The following DNAL1 variants were observed in gnomAD, a reference collection of about 807,000 sequenced individuals.
DNAL1 encodes chromosome 14 open reading frame 168.
Under a neutral mutation model 29.4 loss-of-function variants are expected in DNAL1, and 17 were observed. The observed-to-expected ratio is 0.58, with a 90% CI of 0.40 to 0.87. The LOEUF (loss-of-function observed/expected upper bound fraction) is 0.87, where lower values mean the gene tolerates loss of function less well. DNAL1 is among the 40% of genes least tolerant of loss of function. The pLI is 0.00. For synonymous variants in DNAL1, 78 were observed against 76.3 expected, an observed-to-expected ratio of 1.02 and a Z score of -0.12; for missense variants, 188 against 214.1, an observed-to-expected ratio of 0.88 and a Z score of 0.76.
intron 7 of DNAL1, among the ~76,000 whole-genome samples, chr14:73,695,306 T>A (rs1238396632): frequency 6.6e-6 from 1 of 151,454 alleles, no homozygotes; most frequent in Non-Finnish European, 1.5e-5. Context: ...GCTTCTCTCA[T>A]CTGGCCTCCC....
chr14:73,646,960 A>C lies in DNAL1; in HGVS notation c.3+1918A>C, dbSNP rs954844932. 2.0e-5 allele frequency among the ~76,000 whole-genome samples: 3 copies of C among 152,158 alleles called. No individual in the cohort carries two copies. In the East Asian group the frequency reaches 5.8e-4, roughly 29 times the overall value. On this transcript the variant is annotated intron_variant, in intron 1 of 7. Coordinates refer to ENST00000553645, the MANE Select transcript of DNAL1 (RefSeq NM_031427.4). ...ATAGTATTTCAATTTAAAAAAATTT[A>C]TCTTTCAGTGTCTTTTTTTCCCCCT...
chr14:73,645,093 G>A (rs1890948497), intron 1 of DNAL1, 51 bp downstream of exon 1: 5 of 1,595,576 alleles, frequency 3.1e-6, no homozygotes, highest in Non-Finnish European at 4.3e-6. Flanking sequence ...ATTGGGAGTG[G>A]AAAAGGGTGA....
chr14:73,671,782 G>C (rs994239569), intron 5 of DNAL1, among the ~76,000 whole-genome samples, 185 bp downstream of exon 5: 1 of 152,140 alleles, frequency 6.6e-6, no homozygotes, highest in African/African-American at 2.4e-5. Flanking sequence ...CACCAGTAAC[G>C]TGTGAGGTTT....
rs372298882 is a variant in DNAL1, at chr14:73,672,584, G to A, written c.264+987G>A. ...GATTGCGCCACTGCACTCCAGCCTG[G>A]GTGACAGAGCGAGACTCTGTCTCAA... On this transcript the variant is annotated intron_variant, in intron 5 of 7. Coordinates refer to ENST00000553645, the MANE Select transcript of DNAL1 (RefSeq NM_031427.4). 2.9e-3 allele frequency among the ~76,000 whole-genome samples: 418 copies of A among 143,914 alleles called. 5 individuals are homozygous for A. Among genetic ancestry groups the A allele is most frequent in the African/African-American group, 0.01 (396 of 38,494 alleles). The allele number at this position is 143,914 out of a possible 152,430, so 94.4% of individuals were successfully genotyped here. A position where few individuals can be genotyped will look rare whatever the true frequency, so the allele number is the denominator to read the frequency against.
At chr14:73,660,500 A>G (rs1445247583) in intron 3 of DNAL1, among the ~76,000 whole-genome samples, 1 of 152,112 alleles carries the variant, frequency 6.6e-6, no homozygotes, top group Non-Finnish European at 1.5e-5. Context: ...TATGCAGGAG[A>G]TCAGCCCCAT....
chr14:73,670,146 AG>A lies in DNAL1; in HGVS notation c.209-1394del, dbSNP rs1891584703. 5.9e-5 allele frequency among the ~76,000 whole-genome samples: 9 copies of A among 152,252 alleles called. No homozygotes were observed. In the East Asian group the frequency reaches 1.7e-3, roughly 29 times the overall value. Reference sequence around the variant, plus strand: ...TATATATGGGAAAATAGATTCAAAGAGGTTTGTTTGCTTCCCTAGAGAGTTG... The same window carrying A: ...TATATATGGGAAAATAGATTCAAAGAGTTTGTTTGCTTCCCTAGAGAGTTG... On this transcript the variant is annotated intron_variant, in intron 4 of 7. Coordinates refer to ENST00000553645, the MANE Select transcript of DNAL1 (RefSeq NM_031427.4).
chr14:73,654,768 A>G, intron 1 of DNAL1, 79 bp from the exon 2 acceptor site: 1 of 1,104,934 alleles, frequency 9.1e-7, no homozygotes, highest in Non-Finnish European at 1.2e-6. Context: ...CAAAATAAAT[A>G]CATACATACA....
chr14:73,657,242 C>T (rs1891239365), intron 2 of DNAL1, among the ~76,000 whole-genome samples: 1 of 152,082 alleles, frequency 6.6e-6, no homozygotes, highest in Non-Finnish European at 1.5e-5. Context: ...GGGACAGGGT[C>T]TCTGTTCCTC....
At chr14:73,653,121 T>G (rs905393403) in intron 1 of DNAL1, 5 of 152,194 alleles carry the variant, frequency 3.3e-5, no homozygotes, top group African/African-American at 1.2e-4. Flanking sequence ...CAGGTCTGTT[T>G]ATGCAAATAA....
intron 7 of DNAL1, among the ~76,000 whole-genome samples, chr14:73,695,117 A>G (rs895581894): frequency 1.5e-5 from 2 of 130,082 alleles, no homozygotes; most frequent in Non-Finnish European, 3.1e-5. Flanking sequence ...GTGCAGTGGC[A>G]TAATTACAGC....
In DNAL1 at chr14:73,702,032, C is replaced by T. The variant is rs1171270358; in HGVS notation, c.*6090C>T. On this transcript the variant is annotated 3_prime_UTR_variant, in exon 8 of 8. Coordinates refer to ENST00000553645, the MANE Select transcript of DNAL1 (RefSeq NM_031427.4). The stretch of plus-strand genomic sequence containing the variant: ...ATATAAACTTCTAGTGATATTCAGT[C>T]CAAAGAAATTCAGCCTTTGGATAAC... The T allele has an allele frequency of 1.3e-5, 2 of 151,508 alleles. No homozygotes were observed. Among genetic ancestry groups the T allele is most frequent in the African/African-American group, 4.9e-5 (2 of 41,168 alleles). The allele number at this position is 151,508 out of a possible 1,614,324, so 9.4% of individuals were successfully genotyped here. A position where few individuals can be genotyped will look rare whatever the true frequency, so the allele number is the denominator to read the frequency against.
At chr14:73,665,664 G>C (rs192247841) in intron 4 of DNAL1, among the ~76,000 whole-genome samples, 1 of 151,896 alleles carries the variant, frequency 6.6e-6, no homozygotes, top group Non-Finnish European at 1.5e-5. Flanking sequence ...GGTGGCGTGC[G>C]CCTGTAATCC....
At chr14:73,671,107 C>G (rs1053176698) in intron 4 of DNAL1, among the ~76,000 whole-genome samples, 5 of 152,080 alleles carry the variant, frequency 3.3e-5, no homozygotes, top group African/African-American at 1.2e-4. Context: ...TTTTTAAATA[C>G]CAAATTTATT....
At chr14:73,682,911 T>G (rs1240850687) in intron 5 of DNAL1, among the ~76,000 whole-genome samples, 2 of 150,252 alleles carry the variant, frequency 1.3e-5, no homozygotes, top group Non-Finnish European at 1.5e-5. Context: ...AGTTTCGCTC[T>G]TGTTGCCCAG....
At chr14:73,679,144 A>G (rs1891815075) in intron 5 of DNAL1, among the ~76,000 whole-genome samples, 1 of 151,950 alleles carries the variant, frequency 6.6e-6, no homozygotes, top group African/African-American at 2.4e-5. Flanking sequence ...CTACAGGCAC[A>G]TGCCACCACA....
intron 1 of DNAL1, among the ~76,000 whole-genome samples, chr14:73,647,364 C>CAAAAAAAAAAAAAAA (rs199974495): frequency 1.1e-5 from 1 of 92,752 alleles, no homozygotes; most frequent in Admixed American, 1.1e-4. Flanking sequence ...GACTCTGTCT[C>CAAAAAAAAAAAAAAA]AAAAAAAAAA....
At chr14:73,695,002 T>C (rs1191245027) in intron 7 of DNAL1, among the ~76,000 whole-genome samples, 1 of 150,558 alleles carries the variant, frequency 6.6e-6, no homozygotes, top group East Asian at 1.9e-4. Context: ...AGAAAGCTTT[T>C]AACATGTACA....
chr14:73,650,411 G>A (rs1214272362), intron 1 of DNAL1, among the ~76,000 whole-genome samples: 1 of 151,984 alleles, frequency 6.6e-6, no homozygotes, highest in African/African-American at 2.4e-5. Flanking sequence ...GGATATGGAG[G>A]GCCAACTGTA....
chr14:73,655,707 T>G (rs1347923990), intron 2 of DNAL1, among the ~76,000 whole-genome samples: 1 of 151,762 alleles, frequency 6.6e-6, no homozygotes, highest in Non-Finnish European at 1.5e-5. Context: ...TATGCTGGAG[T>G]CATATGAGTT....
Sources: allele counts gnomAD v4.1 joint callset (sites outside exome capture counted in the v4.1 genomes callset), GRCh38; gene constraint gnomAD v4.1.1; transcripts MANE v1.5; gene names NCBI Gene and HGNC (gene_info 2026-07-23, HGNC 2026-07-21).